Variants in RPRD1A observed in about 807,000 individuals in gnomAD.
RPRD1A encodes regulation of nuclear pre-mRNA domain containing 1A, also known as regulation of nuclear pre-mRNA domain-containing protein 1A.
Under a neutral mutation model 37.8 loss-of-function variants are expected in RPRD1A, and 9 were observed. The observed-to-expected ratio is 0.24, with a 90% CI of 0.14 to 0.42. The LOEUF is 0.42. Ranked by LOEUF, RPRD1A falls within the 10% of genes least tolerant of loss-of-function variation. RPRD1A has a pLI of 1.00. For synonymous variants in RPRD1A, 138 were observed against 139.7 expected (o/e 0.99, Z 0.08); for missense variants, 255 against 371.0 (o/e 0.69, Z 2.57).
chr18:36,023,082 A>G (rs1454210277), intron 6 of RPRD1A, among the ~76,000 whole-genome samples: 1 of 152,226 alleles, frequency 6.6e-6, no homozygotes. Flanking sequence ...CTTATAGATA[A>G]AAGAGCAATT....
chr18:36,008,587 AT>A (rs1446697261), intron 6 of RPRD1A, among the ~76,000 whole-genome samples: 3 of 119,602 alleles, frequency 2.5e-5, no homozygotes, highest in African/African-American at 3.7e-5. Context: ...GTATATATAT[AT>A]ATCTTTAAAA....
At chr18:36,041,404 C>G (rs1315625336) in intron 1 of RPRD1A, among the ~76,000 whole-genome samples, 1 of 152,152 alleles carries the variant, frequency 6.6e-6, no homozygotes, top group Admixed American at 6.6e-5. Context: ...AGGCCTATCT[C>G]CAACTTACTA....
chr18:36,000,410 A>G (rs1909343925), intron 6 of RPRD1A, among the ~76,000 whole-genome samples: 1 of 152,192 alleles, frequency 6.6e-6, no homozygotes, highest in Admixed American at 6.5e-5. Flanking sequence ...GAACTGTCTC[A>G]CTTCCTTTAG....
At chr18:36,048,346 G>A (rs1328985440) in intron 1 of RPRD1A, among the ~76,000 whole-genome samples, 7 of 151,978 alleles carry the variant, frequency 4.6e-5, no homozygotes, top group South Asian at 2.1e-4. Context: ...GATTACAGGC[G>A]TGAGCCACCG....
Position 36,067,406 on chromosome 18 carries a change from C to A in RPRD1A, c.-2G>T. 1 of 1,605,370 alleles carries A rather than the reference C, an allele frequency of 6.2e-7. No homozygotes were observed. The highest frequency in any genetic ancestry group is 8.5e-7 in the Non-Finnish European group (1 of 1,176,116). ...CGCCGCCTCAGAGAAGGCTGACATC[C>A]CTCCGACACCACGTTCACGCCGTCC... On this transcript the variant is annotated 5_prime_UTR_variant, in exon 1 of 7. Coordinates refer to ENST00000399022, the MANE Select transcript of RPRD1A (RefSeq NM_018170.5).
chr18:35,994,103 G>A (rs1017478302), intron 6 of RPRD1A, among the ~76,000 whole-genome samples: 8 of 152,108 alleles, frequency 5.3e-5, no homozygotes, highest in Admixed American at 2.6e-4. Context: ...TCAGAGAAAA[G>A]CTTCCCACTA....
intron 1 of RPRD1A, among the ~76,000 whole-genome samples, chr18:36,049,782 T>C (rs901103041): frequency 1.3e-5 from 2 of 152,230 alleles, no homozygotes; most frequent in African/African-American, 2.4e-5. Context: ...ATTGGAATTA[T>C]GGGTGTGCAT....
chr18:36,054,772 T>G (rs1355186170), intron 1 of RPRD1A, among the ~76,000 whole-genome samples: 3 of 151,296 alleles, frequency 2.0e-5, no homozygotes, highest in African/African-American at 7.3e-5. Context: ...CTACCAATGG[T>G]GTAGTTCAAG....
chr18:36,063,588 G>A (rs1352698733), intron 1 of RPRD1A, among the ~76,000 whole-genome samples: 11 of 152,162 alleles, frequency 7.2e-5, no homozygotes, highest in Admixed American at 6.5e-4. Flanking sequence ...TTAGTTTGTT[G>A]TAATATACTT....
intron 6 of RPRD1A, among the ~76,000 whole-genome samples, chr18:35,998,076 G>C (rs1267491935): frequency 6.6e-6 from 1 of 152,088 alleles, no homozygotes; most frequent in Non-Finnish European, 1.5e-5. Flanking sequence ...AACGTAACTA[G>C]GGCTGGGCGC....
chr18:36,066,319 A>G (rs1464684759), intron 1 of RPRD1A, among the ~76,000 whole-genome samples: 2 of 152,266 alleles, frequency 1.3e-5, no homozygotes, highest in Non-Finnish European at 2.9e-5. Context: ...CACAAGGTTC[A>G]GTAAGCAAGC....
At chr18:36,015,992 T>TA (rs2144224767) in intron 6 of RPRD1A, among the ~76,000 whole-genome samples, 1 of 152,290 alleles carries the variant, frequency 6.6e-6, no homozygotes, top group South Asian at 2.1e-4. Flanking sequence ...AACAGTAAAA[T>TA]AAAACTATAC....
intron 6 of RPRD1A, among the ~76,000 whole-genome samples, chr18:36,014,883 C>G (rs966841498): frequency 3.3e-5 from 5 of 151,960 alleles, no homozygotes; most frequent in Non-Finnish European, 7.4e-5. Context: ...CAAATCAAAA[C>G]CACAATGAGA....
At chr18:36,041,680 T>C (rs1912589474) in intron 1 of RPRD1A, among the ~76,000 whole-genome samples, 1 of 152,234 alleles carries the variant, frequency 6.6e-6, no homozygotes, top group African/African-American at 2.4e-5. Context: ...TTCAAGACTT[T>C]TCCTTCCGCC....
chr18:36,015,305 C>T (rs1158675864), intron 6 of RPRD1A, among the ~76,000 whole-genome samples: 1 of 151,752 alleles, frequency 6.6e-6, no homozygotes, highest in Non-Finnish European at 1.5e-5. Context: ...CTCAGCCTCC[C>T]GGGTTCAAGT....
intron 1 of RPRD1A, among the ~76,000 whole-genome samples, chr18:36,040,299 TA>T (rs1912490295): frequency 6.6e-6 from 1 of 152,182 alleles, no homozygotes; most frequent in Non-Finnish European, 1.5e-5. Flanking sequence ...CTACTAGGAA[TA>T]AAAGACGACT....
chr18:36,046,910 T>C (rs117336127), intron 1 of RPRD1A, among the ~76,000 whole-genome samples: 9,155 of 145,364 alleles, frequency 0.063, 292 homozygotes, highest in Middle Eastern at 0.088. Flanking sequence ...AATCACCCCA[T>C]ATCAAGAACC....
At chr18:36,005,695 T>C (rs1007218942) in intron 6 of RPRD1A, among the ~76,000 whole-genome samples, 5 of 152,290 alleles carry the variant, frequency 3.3e-5, no homozygotes, top group Admixed American at 2.0e-4. Flanking sequence ...CTTGATAGTA[T>C]ACAATTTATT....
At chr18:36,013,314 A>C (rs1212943118) in intron 6 of RPRD1A, among the ~76,000 whole-genome samples, 1 of 152,250 alleles carries the variant, frequency 6.6e-6, no homozygotes, top group Non-Finnish European at 1.5e-5. Context: ...GGCAACAACA[A>C]AACCATAGGA....
Sources: gnomAD v4.1 joint callset for allele counts (sites outside exome capture counted in the v4.1 genomes callset) on GRCh38, gnomAD v4.1.1 for gene constraint, MANE v1.5 for transcripts, NCBI Gene and HGNC (gene_info 2026-07-23, HGNC 2026-07-21) for gene names.